The following MYO18B variants were observed in gnomAD, a reference collection of about 807,000 sequenced individuals.
MYO18B encodes myosin XVIIIB, also known as unconventional myosin-XVIIIb.
In MYO18B, 204 loss-of-function variants were observed where a neutral mutation model predicts 273.0. That is an observed-to-expected ratio of 0.75 (90% CI 0.67 to 0.84). MYO18B has a LOEUF of 0.84. MYO18B is among the 40% of genes least tolerant of loss of function. The pLI is 0.00. For synonymous variants in MYO18B, 1,330 were observed against 1,305.7 expected, an observed-to-expected ratio of 1.02 and a Z score of -0.40; for missense variants, 3,212 against 3,287.6, an observed-to-expected ratio of 0.98 and a Z score of 0.56.
At chr22:26,016,572 A>T (rs1438959626) in intron 42 of MYO18B, among the ~76,000 whole-genome samples, 1 of 152,214 alleles carries the variant, frequency 6.6e-6, no homozygotes, top group East Asian at 1.9e-4. Flanking sequence ...TGGGTTCTGA[A>T]TTATTCAGCC....
At chr22:26,057,540 T>TG in the MYO18B span, among the ~76,000 whole-genome samples, 3 of 150,256 alleles carry the variant, frequency 2.0e-5, no homozygotes, top group Non-Finnish European at 4.4e-5. Flanking sequence ...TTTTTTTTTT[T>TG]GGATTTAGCT....
chr22:25,960,262 G>A (rs1015794908), intron 39 of MYO18B, among the ~76,000 whole-genome samples: 1 of 152,122 alleles, frequency 6.6e-6, no homozygotes, highest in Admixed American at 6.5e-5. Context: ...TGTCATTAGA[G>A]CGATGAAGCA....
chr22:25,755,287 A>G (rs1318533569), intron 1 of MYO18B, among the ~76,000 whole-genome samples: 2 of 151,732 alleles, frequency 1.3e-5, no homozygotes, highest in African/African-American at 4.8e-5. Flanking sequence ...GCTCACCGCA[A>G]CCTCCGCCTC....
In MYO18B at chr22:25,768,616, G is replaced by A; in HGVS notation, c.700G>A (p.Gly234Ser). The A allele has an allele frequency of 6.6e-7, 1 of 1,526,008 alleles. No individual in the cohort carries two copies. Among genetic ancestry groups the A allele is most frequent in the Non-Finnish European group, 8.8e-7 (1 of 1,141,408 alleles). The allele number at this position is 1,526,008 out of a possible 1,614,324, so 94.5% of individuals were successfully genotyped here. A position where few individuals can be genotyped will look rare whatever the true frequency, so the allele number is the denominator to read the frequency against. ...CCAAGGAACTGTGGCACTGAAAAAA[G>A]GCGAGGAGGGTCAAAGCATAGTGGG... is the stretch of plus-strand genomic sequence containing the variant. ...PGQGTVALKK[G>S]EEGQSIVGKG... is the part of the protein sequence containing the mutation. The change falls in exon 4 of 44, where the codon GGC becomes AGC. Residue 234 changes from glycine to serine, a missense_variant. Coordinates refer to ENST00000335473, the MANE Select transcript of MYO18B (RefSeq NM_032608.7).
intron 6 of MYO18B, among the ~76,000 whole-genome samples, chr22:25,771,416 G>C (rs926592327): frequency 6.6e-6 from 1 of 152,198 alleles, no homozygotes; most frequent in Non-Finnish European, 1.5e-5. Context: ...GGTTCTAATG[G>C]CCTATATTTT....
chr22:25,809,099 C>A (rs2088616711), intron 12 of MYO18B, among the ~76,000 whole-genome samples: 1 of 152,098 alleles, frequency 6.6e-6, no homozygotes, highest in African/African-American at 2.4e-5. Flanking sequence ...CCTGCCACCA[C>A]ACCCAGCTAA....
At chr22:25,907,425 G>A (rs2092066684) in intron 31 of MYO18B, among the ~76,000 whole-genome samples, 1 of 152,152 alleles carries the variant, frequency 6.6e-6, no homozygotes, top group Non-Finnish European at 1.5e-5. Context: ...AGGGAGGGAG[G>A]GGATAGTCTT....
At chr22:25,963,916 C>G (rs1161652103) in intron 39 of MYO18B, 1 of 152,148 alleles carries the variant, frequency 6.6e-6, no homozygotes, top group African/African-American at 2.4e-5. Context: ...TCCTTCCACT[C>G]AAGCTTTATC....
At chr22:25,760,793 T>C (rs149342322) in intron 1 of MYO18B, among the ~76,000 whole-genome samples, 191 bp from the exon 2 acceptor site, 2 of 152,364 alleles carry the variant, frequency 1.3e-5, no homozygotes, top group East Asian at 3.9e-4. Flanking sequence ...TTCAGGGCAC[T>C]GTTCACTCCG....
intron 1 of MYO18B, among the ~76,000 whole-genome samples, chr22:25,758,997 G>T (rs955570843): frequency 6.6e-6 from 1 of 152,088 alleles, no homozygotes; most frequent in Admixed American, 6.6e-5. Flanking sequence ...TTTGTGATCT[G>T]CCTGCCTTGG....
chr22:26,058,407 A>G, the MYO18B span, among the ~76,000 whole-genome samples: 1 of 152,160 alleles, frequency 6.6e-6, no homozygotes, highest in Non-Finnish European at 1.5e-5. Context: ...GAGTGCATGA[A>G]GCTGAGGGTG....
downstream of MYO18B, chr22:26,031,097 A>G: frequency 2.5e-6 from 1 of 396,038 alleles, no homozygotes; most frequent in Non-Finnish European, 4.4e-6. Context: ...ACCCACATCA[A>G]CATTCAAGAA....
In MYO18B at chr22:26,026,792, A is replaced by G. The variant is rs1341689136; in HGVS notation, c.6818A>G (p.Glu2273Gly). ...QRGQGSTLGL[E>G]DWPTLPIYQT... ...GGCCAGGGGTCCACGCTGGGCCTAGAGGACTGGCCCACTCTCCCCATTTAC... is the reference window on the plus strand; with the variant it reads ...GGCCAGGGGTCCACGCTGGGCCTAGGGGACTGGCCCACTCTCCCCATTTAC... The change falls in exon 43 of 44, where the codon GAG becomes GGG. Residue 2273 changes from glutamate (E) to glycine (G), a missense_variant. By Grantham distance (98) the Glu-to-Gly change is moderately conservative. Coordinates refer to ENST00000335473, the MANE Select transcript of MYO18B (RefSeq NM_032608.7). 3 of 1,602,596 alleles carry G rather than the reference A, an allele frequency of 1.9e-6. No individual in the cohort carries two copies. The highest frequency in any genetic ancestry group is 2.6e-6 in the Non-Finnish European group (3 of 1,174,862).
intron 39 of MYO18B, 87 bp downstream of exon 39, chr22:25,955,451 AC>A: frequency 7.1e-7 from 1 of 1,407,888 alleles, no homozygotes; most frequent in Non-Finnish European, 9.5e-7. Flanking sequence ...TGAATGGGAG[AC>A]TCATAGGTTT....
chr22:25,922,905 AC>A, intron 34 of MYO18B, among the ~76,000 whole-genome samples: 1 of 152,256 alleles, frequency 6.6e-6, no homozygotes, highest in African/African-American at 2.4e-5. Context: ...ACAAAACAAA[AC>A]AAAAACCTAA....
At chr22:25,787,265 G>GGC (rs1235879791) in intron 11 of MYO18B, among the ~76,000 whole-genome samples, 328 of 71,984 alleles carry the variant, frequency 4.6e-3, no homozygotes, top group East Asian at 0.014. Context: ...TGTGCGTGCA[G>GGC]GCGCGCGCAC....
intron 22 of MYO18B, among the ~76,000 whole-genome samples, chr22:25,872,282 C>A (rs2091069325): frequency 6.6e-6 from 1 of 152,046 alleles, no homozygotes. Context: ...CGATCGAGAC[C>A]CTTTGTTCCA....
the MYO18B span, among the ~76,000 whole-genome samples, chr22:26,053,017 C>T: frequency 6.6e-4 from 101 of 152,040 alleles, no homozygotes; most frequent in African/African-American, 2.3e-3. Context: ...CTGTGTTAGC[C>T]GGGATGGTCT....
intron 21 of MYO18B, among the ~76,000 whole-genome samples, chr22:25,859,232 T>C (rs1032361806): frequency 1.3e-5 from 2 of 152,238 alleles, no homozygotes; most frequent in Non-Finnish European, 2.9e-5. Context: ...TATTTTTTGA[T>C]TAATAGTAGT....
Sources: allele counts gnomAD v4.1 joint callset (sites outside exome capture counted in the v4.1 genomes callset), GRCh38; gene constraint gnomAD v4.1.1; transcripts MANE v1.5; gene names NCBI Gene and HGNC (gene_info 2026-07-23, HGNC 2026-07-21).